Variants in ZFHX3 observed in about 807,000 individuals in gnomAD.
ZFHX3 encodes zinc finger homeobox 3.
A neutral mutation model predicts 279.1 loss-of-function variants in ZFHX3; 42 were observed. The observed-to-expected ratio is 0.15, with a 90% CI of 0.12 to 0.19. The LOEUF is 0.19. ZFHX3 is among the 10% of genes least tolerant of loss of function. ZFHX3 has a pLI of 1.00. For synonymous variants in ZFHX3, 2,293 were observed against 1,957.8 expected, an observed-to-expected ratio of 1.17 and a Z score of -4.52; for missense variants, 4,981 against 4,754.0, an observed-to-expected ratio of 1.05 and a Z score of -1.40.
At chr16:73,813,382 G>T (rs75305248) in intron 1 of ZFHX3, among the ~76,000 whole-genome samples, 1 of 151,840 alleles carries the variant, frequency 6.6e-6, no homozygotes, top group Non-Finnish European at 1.5e-5. Flanking sequence ...AGGACTGGGG[G>T]CCTCTCTCAA....
chr16:73,740,803 C>T (rs1430303214), intron 1 of ZFHX3, among the ~76,000 whole-genome samples: 1 of 152,144 alleles, frequency 6.6e-6, no homozygotes, highest in Non-Finnish European at 1.5e-5. Flanking sequence ...GTACCCCTGC[C>T]TTCCATCAGG....
At chr16:73,698,358 A>G (rs1415110421) in intron 1 of ZFHX3, among the ~76,000 whole-genome samples, 3 of 152,216 alleles carry the variant, frequency 2.0e-5, no homozygotes, top group Non-Finnish European at 4.4e-5. Flanking sequence ...TACCATTAGA[A>G]CACCATAGTA....
chr16:72,979,996 G>T (rs1239464042), intron 1 of ZFHX3, among the ~76,000 whole-genome samples: 1 of 152,212 alleles, frequency 6.6e-6, no homozygotes, highest in Non-Finnish European at 1.5e-5. Flanking sequence ...AATGGGATAA[G>T]ACTAGGTGCA....
intron 2 of ZFHX3, among the ~76,000 whole-genome samples, chr16:73,578,471 TTGCTCAGAGGCTTTAAAA>T (rs1160484458): frequency 6.6e-6 from 1 of 152,166 alleles, no homozygotes; most frequent in Non-Finnish European, 1.5e-5. Context: ...GGTTCCTAGT[TTGCTCAGAGGCTTTAAAA>T]TGCTAAGAGG....
intron 1 of ZFHX3, among the ~76,000 whole-genome samples, chr16:73,025,370 C>T (rs958764867): frequency 6.6e-6 from 1 of 152,188 alleles, no homozygotes; most frequent in East Asian, 1.9e-4. Context: ...TGCAGAGCTC[C>T]ACCTCTGGGA....
intron 2 of ZFHX3, among the ~76,000 whole-genome samples, chr16:73,623,963 T>C (rs778467361): frequency 6.6e-6 from 1 of 152,252 alleles, no homozygotes; most frequent in African/African-American, 2.4e-5. Flanking sequence ...TTGGGCTCAT[T>C]TGAAACATTC....
chr16:73,516,921 T>A (rs1263169490), intron 2 of ZFHX3, among the ~76,000 whole-genome samples: 1 of 152,240 alleles, frequency 6.6e-6, no homozygotes, highest in African/African-American at 2.4e-5. Flanking sequence ...TTTCTTTCTT[T>A]AAGAGGTGTC....
At chr16:73,333,553 G>A (rs1567453120) in intron 3 of ZFHX3, among the ~76,000 whole-genome samples, 1 of 152,240 alleles carries the variant, frequency 6.6e-6, no homozygotes, top group East Asian at 1.9e-4. Flanking sequence ...TTATAATCTT[G>A]TTGAAGAGCT....
chr16:73,442,813 G>A (rs56163552), intron 3 of ZFHX3, among the ~76,000 whole-genome samples: 4,229 of 152,248 alleles, frequency 0.028, 181 homozygotes, highest in African/African-American at 0.094. Context: ...TTTGGCAATG[G>A]GTGTTTGGGA....
rs533438465 is a variant in ZFHX3 at position 73,477,331 on chromosome 16, G to T, written c.-1546-21073C>A. ...AAGTTACATGTACATTGGCTTTCGT[G>T]AGTAAGGAAATTCAGTACCTAATTT... is the stretch of plus-strand genomic sequence containing the variant. On this transcript the variant is annotated intron_variant, in intron 2 of 17. Coordinates refer to the ZFHX3 transcript ENST00000641206. Among the ~76,000 whole-genome samples the T allele has an allele frequency of 1.1e-4, 16 of 152,308 alleles. No homozygotes were observed. The South Asian group carries it at 2.3e-3, about 22-fold the overall frequency.
At chr16:73,376,527 T>C (rs1176877688) in intron 3 of ZFHX3, among the ~76,000 whole-genome samples, 1 of 152,236 alleles carries the variant, frequency 6.6e-6, no homozygotes, top group African/African-American at 2.4e-5. Context: ...TTAGTTCTTC[T>C]AAAAAGGCAC....
At chr16:73,249,824 T>TCACACACACACACA (rs143652574) in intron 5 of ZFHX3, among the ~76,000 whole-genome samples, 1,836 of 148,756 alleles carry the variant, frequency 0.012, 43 homozygotes, top group African/African-American at 0.042. Flanking sequence ...AACAGGCACT[T>TCACACACACACACA]CACACACACA....
At chr16:73,593,803 T>A (rs961931942) in intron 2 of ZFHX3, among the ~76,000 whole-genome samples, 1 of 152,128 alleles carries the variant, frequency 6.6e-6, no homozygotes, top group African/African-American at 2.4e-5. Context: ...GATAACAGTT[T>A]ACCCAATAAA....
At chr16:72,831,696 A>G (rs953226028) in intron 4 of ZFHX3, among the ~76,000 whole-genome samples, 3 of 152,234 alleles carry the variant, frequency 2.0e-5, no homozygotes, top group Non-Finnish European at 4.4e-5. Context: ...GTTCAACACT[A>G]TAATGATAAA....
chr16:72,924,981 C>G (rs1399954315), intron 3 of ZFHX3, among the ~76,000 whole-genome samples: 1 of 152,206 alleles, frequency 6.6e-6, no homozygotes, highest in Non-Finnish European at 1.5e-5. Context: ...GGCGCCCCAG[C>G]TGGCAAGTCT....
At chr16:73,816,227 G>T (rs1304085342) in intron 1 of ZFHX3, among the ~76,000 whole-genome samples, 1 of 152,094 alleles carries the variant, frequency 6.6e-6, no homozygotes, top group Non-Finnish European at 1.5e-5. Flanking sequence ...ACTCATTTGT[G>T]CAGGAGATAT....
At chr16:73,752,970 T>C (rs1461130109) in intron 1 of ZFHX3, among the ~76,000 whole-genome samples, 1 of 152,192 alleles carries the variant, frequency 6.6e-6, no homozygotes, top group Non-Finnish European at 1.5e-5. Context: ...TGCTACAATA[T>C]ATTTGTAACT....
chr16:73,004,174 T>TTTTTTTTTTTTTG (rs1963614750), intron 1 of ZFHX3, among the ~76,000 whole-genome samples: 1 of 140,294 alleles, frequency 7.1e-6, no homozygotes, highest in Non-Finnish European at 1.5e-5. Context: ...TTTTTTTTTT[T>TTTTTTTTTTTTTG]TTTTTTTTTT....
chr16:73,192,972 G>A (rs1203611298), intron 5 of ZFHX3, among the ~76,000 whole-genome samples: 1 of 152,152 alleles, frequency 6.6e-6, no homozygotes, highest in Non-Finnish European at 1.5e-5. Context: ...GAAACTGGAG[G>A]AATAATAGCC....
Sources: allele counts gnomAD v4.1 joint callset (sites outside exome capture counted in the v4.1 genomes callset), GRCh38; gene constraint gnomAD v4.1.1; transcripts MANE v1.5; gene names NCBI Gene and HGNC (gene_info 2026-07-23, HGNC 2026-07-21).